The following AUTS2 variants were observed in gnomAD, a reference collection of about 807,000 sequenced individuals.
AUTS2 encodes autism susceptibility gene 2 protein.
In AUTS2, 17 loss-of-function variants were observed where a neutral mutation model predicts 112.4. The ratio of observed to expected loss-of-function variants is 0.15; its 90% confidence interval spans 0.10 to 0.23. AUTS2 has a LOEUF of 0.23. Among genes scored for constraint, AUTS2 ranks in the 10% least tolerant of loss-of-function variants. The pLI is 1.00. For missense variants in AUTS2, 1,510 were observed against 1,701.6 expected (o/e 0.89, Z 1.98); for synonymous variants, 751 against 702.7 (o/e 1.07, Z -1.09).
chr7:69,994,036 G>A (rs1055964288), intron 2 of AUTS2, among the ~76,000 whole-genome samples: 3 of 152,092 alleles, frequency 2.0e-5, no homozygotes, highest in East Asian at 3.9e-4. Flanking sequence ...ATACATGGCC[G>A]TGTGGAGCTT....
chr7:70,653,175 C>T (rs80153019), intron 5 of AUTS2, among the ~76,000 whole-genome samples: 4,624 of 152,140 alleles, frequency 0.03, 144 homozygotes, highest in South Asian at 0.086. Flanking sequence ...GGATTGCTTT[C>T]GAGGCTGCAT....
chr7:70,037,054 T>C (rs914518459), intron 2 of AUTS2, among the ~76,000 whole-genome samples: 6 of 152,236 alleles, frequency 3.9e-5, no homozygotes, highest in Admixed American at 6.5e-5. Context: ...TGGAATATTA[T>C]GCAGCTTTTC....
chr7:70,753,523 CAAG>C (rs1301559376), intron 6 of AUTS2, among the ~76,000 whole-genome samples: 2 of 152,058 alleles, frequency 1.3e-5, no homozygotes, highest in East Asian at 1.9e-4. Context: ...TTTCAGTGAC[CAAG>C]AAGAAGAGCT....
rs143970671 is a variant in AUTS2, at chr7:70,041,901, A to G, written c.523-76231A>G. Among the ~76,000 whole-genome samples the G allele has an allele frequency of 8.3e-3, 1,269 of 152,306 alleles. 9 individuals are homozygous for G. Among genetic ancestry groups the G allele is most frequent in the Non-Finnish European group, 0.013 (913 of 68,014 alleles). ...TTATTTTGTTTTCTTATAAACTATTATCAATTTTGGTAACCTGGAAAATTT... is the reference window on the plus strand; with the variant it reads ...TTATTTTGTTTTCTTATAAACTATTGTCAATTTTGGTAACCTGGAAAATTT... On this transcript the variant is annotated intron_variant, in intron 2 of 18. Transcript: ENST00000342771.
At chr7:70,179,547 G>A (rs1351199967) in intron 4 of AUTS2, among the ~76,000 whole-genome samples, 1 of 152,184 alleles carries the variant, frequency 6.6e-6, no homozygotes, top group African/African-American at 2.4e-5. Flanking sequence ...GTCACATGAT[G>A]ATTTGGCAGA....
At chr7:70,650,323 A>G (rs1180577050) in intron 5 of AUTS2, among the ~76,000 whole-genome samples, 2 of 152,182 alleles carry the variant, frequency 1.3e-5, no homozygotes, top group African/African-American at 4.8e-5. Context: ...GCCTCCTGTA[A>G]CAGGGGAAGA....
chr7:70,766,141 A>G lies in AUTS2; in HGVS notation c.1496A>G (p.Asn499Ser), dbSNP rs781550695. Residue 499 changes from asparagine (N) to serine (S), a missense_variant, in exon 9 of 19, where the codon AAC (asparagine) becomes AGC (serine). By Grantham distance (46) the Asn-to-Ser change is conservative. Coordinates refer to ENST00000342771, the MANE Select transcript of AUTS2 (RefSeq NM_015570.4). The surrounding 1 kb of genome is among the most constrained non-coding windows in gnomAD (Gnocchi z 4.8). ...SEQDILRQELNTRFLASQSAD... is the reference protein window; with the variant it reads ...SEQDILRQELSTRFLASQSAD... ...CAAGACATCTTGCGACAGGAACTGA[A>G]CACTCGTTTTTTGGCCTCTCAGAGT... 3 of 1,613,966 alleles carry G rather than the reference A, an allele frequency of 1.9e-6. No homozygotes were observed. The highest frequency in any genetic ancestry group is 1.1e-5 in the South Asian group (1 of 91,076).
At chr7:70,394,055 G>A (rs576765242) in intron 4 of AUTS2, among the ~76,000 whole-genome samples, 1 of 152,146 alleles carries the variant, frequency 6.6e-6, no homozygotes, top group Non-Finnish European at 1.5e-5. Flanking sequence ...CTCCCTGAAG[G>A]TTTTACCAGT....
chr7:69,744,694 G>A (rs769058885), intron 1 of AUTS2, among the ~76,000 whole-genome samples: 6 of 151,638 alleles, frequency 4.0e-5, no homozygotes, highest in South Asian at 2.1e-4. Context: ...AAAATTAGCC[G>A]ATGTGGTGGC....
At position 70,768,696 on chromosome 7, in the gene AUTS2, A is replaced by ATTT. The variant is rs373224086; in HGVS notation, c.1734+630_1734+632dup. ...AAATAAAAAAAACTTGTTTTATGCC[A>ATTT]TTTTAAGAGTATGTTCTGGAACTTC... is the stretch of plus-strand genomic sequence containing the variant. On this transcript the variant is annotated intron_variant, in intron 10 of 18. Transcript: ENST00000342771. Among the ~76,000 whole-genome samples the ATTT allele has an allele frequency of 1.6e-3, 239 of 152,242 alleles. 1 individual carries two copies. Among genetic ancestry groups the ATTT allele is most frequent in the African/African-American group, 5.4e-3 (225 of 41,556 alleles).
intron 4 of AUTS2, among the ~76,000 whole-genome samples, chr7:70,263,981 T>C (rs948523277): frequency 2.6e-5 from 4 of 152,244 alleles, no homozygotes; most frequent in African/African-American, 9.6e-5. Flanking sequence ...ATGTAATTTA[T>C]TTTTGTCTTG....
Position 70,660,600 on chromosome 7 carries a change from G to T in AUTS2, c.691-37969G>T, listed in dbSNP as rs1807019429. 2.0e-5 allele frequency among the ~76,000 whole-genome samples: 3 copies of T among 152,214 alleles called. No homozygotes were observed. The South Asian group carries it at 6.2e-4, about 32-fold the overall frequency. ...TGTCTCTTCCCCCACAGCCACTACA[G>T]TTCCTTCCACCAGTGTCAACCACCA... On this transcript the variant is annotated intron_variant, in intron 5 of 18. Transcript: ENST00000342771.
chr7:70,424,110 CA>C (rs1795333526), intron 4 of AUTS2, among the ~76,000 whole-genome samples: 1 of 152,092 alleles, frequency 6.6e-6, no homozygotes, highest in Admixed American at 6.5e-5. Context: ...AGGTAGACTC[CA>C]AGAATTAAGT....
intron 1 of AUTS2, among the ~76,000 whole-genome samples, chr7:69,883,762 A>T (rs988321237): frequency 6.6e-6 from 1 of 152,232 alleles, no homozygotes. Flanking sequence ...CTCACACAGC[A>T]GGCCTGGCCT....
At chr7:69,650,641 A>G (rs771560376) in intron 1 of AUTS2, among the ~76,000 whole-genome samples, 2 of 152,226 alleles carry the variant, frequency 1.3e-5, no homozygotes, top group Non-Finnish European at 2.9e-5. Context: ...CAGTGATGGT[A>G]GAGCATTAAA....
At chr7:70,733,978 C>G (rs7783682) in intron 6 of AUTS2, among the ~76,000 whole-genome samples, 98,314 of 151,894 alleles carry the variant, frequency 0.65, 32,148 homozygotes, top group South Asian at 0.77. Flanking sequence ...GGATGGAAGG[C>G]ACCCTACAGT....
intron 5 of AUTS2, among the ~76,000 whole-genome samples, chr7:70,677,853 G>A (rs931245320): frequency 6.6e-6 from 1 of 152,078 alleles, no homozygotes; most frequent in Non-Finnish European, 1.5e-5. Context: ...GGAGGCCGAG[G>A]CGGGTGGATC....
At chr7:69,945,913 G>A (rs1011666227) in intron 2 of AUTS2, among the ~76,000 whole-genome samples, 1 of 151,994 alleles carries the variant, frequency 6.6e-6, no homozygotes, top group Non-Finnish European at 1.5e-5. Context: ...TGTGGCTCAC[G>A]GCAGCCTTGA....
At chr7:70,002,246 A>C (rs565401388) in intron 2 of AUTS2, among the ~76,000 whole-genome samples, 1 of 152,308 alleles carries the variant, frequency 6.6e-6, no homozygotes, top group East Asian at 1.9e-4. Context: ...GCTTTCAGCA[A>C]AATTTTTGGT....
Sources: gnomAD v4.1 joint callset for allele counts (sites outside exome capture counted in the v4.1 genomes callset) on GRCh38, gnomAD v4.1.1 for gene constraint, Gnocchi (gnomAD v3.1) non-coding constraint, MANE v1.5 for transcripts, NCBI Gene and HGNC (gene_info 2026-07-23, HGNC 2026-07-21) for gene names.